Variants in JADE3 observed in about 807,000 individuals in gnomAD.
The protein encoded by JADE3 is protein Jade-3.
JADE3 carries 2 observed loss-of-function variants against 50.1 expected under a neutral mutation model. The ratio of observed to expected loss-of-function variants is 0.04; its 90% CI spans 0.02 to 0.13. The LOEUF (loss-of-function observed/expected upper bound fraction) is 0.13. Ranked by LOEUF, JADE3 falls within the 10% of genes least tolerant of loss-of-function variation. The pLI is 1.00. For missense variants in JADE3, 475 were observed against 634.4 expected (o/e 0.75, Z 2.70); for synonymous variants, 218 against 232.9 (o/e 0.94, Z 0.58).
At chrX:46,967,436 T>TA (rs1238699868) in intron 1 of JADE3, among the ~76,000 whole-genome samples, 2 of 111,919 alleles carry the variant, frequency 1.8e-5, no homozygotes, top group African/African-American at 6.5e-5. Flanking sequence ...AGGGCTAAGA[T>TA]AATAGGAGAA....
chrX:46,926,347 C>T (rs895800217), intron 1 of JADE3, among the ~76,000 whole-genome samples: 1 of 110,294 alleles, frequency 9.1e-6, no homozygotes. Context: ...TGGGCTCAAG[C>T]AATCCTCCTA....
chrX:47,032,214 G>C (rs1764303241), intron 6 of JADE3, among the ~76,000 whole-genome samples: 1 of 111,667 alleles, frequency 9.0e-6, no homozygotes, highest in African/African-American at 3.3e-5. Flanking sequence ...GAAGTACAAG[G>C]AACAACAGGC....
intron 1 of JADE3, among the ~76,000 whole-genome samples, chrX:46,916,879 T>TGA (rs1926097694): frequency 9.0e-6 from 1 of 111,486 alleles, no homozygotes; most frequent in South Asian, 3.8e-4. Flanking sequence ...GTTAAGGATC[T>TGA]GAGAAGTAGA....
intron 1 of JADE3, among the ~76,000 whole-genome samples, chrX:46,917,872 TCTCTCTCTCTCTCATC>T (rs1353883739): frequency 9.7e-6 from 1 of 102,685 alleles, no homozygotes. Context: ...TCTCTCTCTC[TCTCTCTCTCTCTCATC>T]CTCTCTCTCT....
chrX:46,976,156 T>C (rs1293345908), intron 1 of JADE3, among the ~76,000 whole-genome samples: 1 of 111,654 alleles, frequency 9.0e-6, no homozygotes, highest in Non-Finnish European at 1.9e-5. Flanking sequence ...TAGGGGCCCC[T>C]TGCACTGACC....
At position 47,044,448 on chromosome X, in the gene JADE3, G is replaced by A. The variant is rs146112815; in HGVS notation, c.972+5383G>A. Among the ~76,000 whole-genome samples, 8 of 111,420 alleles carry A rather than the reference G, an allele frequency of 7.2e-5. No homozygotes were observed. In the South Asian group the frequency reaches 2.3e-3, roughly 31 times the overall value. On this transcript the variant is annotated intron_variant, in intron 8 of 10. Coordinates refer to ENST00000614628, the MANE Select transcript of JADE3 (RefSeq NM_014735.5). ...TATCCAGTGAAAATATCATTCAAAC[G>A]TGAAGGAGAAATAAGGACTTTCCCA...
chrX:47,017,076 G>C (rs1175484201), intron 4 of JADE3, among the ~76,000 whole-genome samples: 3 of 111,689 alleles, frequency 2.7e-5, no homozygotes, highest in Non-Finnish European at 3.8e-5. Flanking sequence ...AATAAGAATA[G>C]ATAGAGCACA....
intron 4 of JADE3, among the ~76,000 whole-genome samples, chrX:47,000,435 C>G (rs781796603): frequency 2.4e-4 from 27 of 111,548 alleles, no homozygotes; most frequent in Non-Finnish European, 4.5e-4. Flanking sequence ...TGATTTTAAT[C>G]TTTTAGGTTG....
chrX:46,929,972 G>C (rs1926455898), intron 1 of JADE3, among the ~76,000 whole-genome samples: 2 of 112,167 alleles, frequency 1.8e-5, no homozygotes, highest in Non-Finnish European at 3.8e-5. Context: ...AGATGGGATA[G>C]TGTGGTAGAG....
chrX:47,055,286 C>A (rs975887426), intron 9 of JADE3, among the ~76,000 whole-genome samples: 1 of 111,292 alleles, frequency 9.0e-6, no homozygotes, highest in Non-Finnish European at 1.9e-5. Context: ...TAAGTTAAGC[C>A]CTGTGTTTAT....
intron 8 of JADE3, among the ~76,000 whole-genome samples, chrX:47,042,937 G>A (rs1602420509): frequency 8.9e-6 from 1 of 111,943 alleles, no homozygotes; most frequent in East Asian, 2.8e-4. Context: ...ACTGGGTGCA[G>A]TCCCAGTGGT....
Position 47,032,500 on chromosome X carries a change from G to A in JADE3, c.688-1121G>A, listed in dbSNP as rs188679903. 2.5e-3 allele frequency among the ~76,000 whole-genome samples: 277 copies of A among 110,434 alleles called. 1 individual carries two copies. The highest frequency in any genetic ancestry group is 4.6e-3 in the Non-Finnish European group (243 of 52,917). On this transcript the variant is annotated intron_variant, in intron 6 of 10. Coordinates refer to ENST00000614628, the MANE Select transcript of JADE3 (RefSeq NM_014735.5). ...GAATTCTTTTAGTGAGGAGAATCTG[G>A]CAGTCAAGTAGAAGAAGGGTTGAAG...
chrX:46,995,201 T>G (rs1323681430), intron 3 of JADE3, among the ~76,000 whole-genome samples: 1 of 110,007 alleles, frequency 9.1e-6, no homozygotes, highest in Non-Finnish European at 1.9e-5. Context: ...AGCTAATTTT[T>G]TGTATTTTTA....
In JADE3 at chrX:46,960,781, C is replaced by T. The variant is rs1461235895; in HGVS notation, c.-11-24103C>T. On this transcript the variant is annotated intron_variant, in intron 1 of 10. Coordinates refer to ENST00000614628, the MANE Select transcript of JADE3 (RefSeq NM_014735.5). ...AACCTAGGGGTGATCTTGGGAACCC[C>T]TTACACAGCACCCTTGCAAAAACCA... Among the ~76,000 whole-genome samples the T allele has an allele frequency of 1.8e-5, 2 of 111,761 alleles. 1 individual carries two copies. The highest frequency in any genetic ancestry group is 1.9e-4 in the Admixed American group (2 of 10,529).
At chrX:47,028,162 G>T in intron 6 of JADE3, 59 bp downstream of exon 6, 1 of 826,597 alleles carries the variant, frequency 1.2e-6, no homozygotes, top group Non-Finnish European at 1.8e-6. Flanking sequence ...GCTCAGTGAT[G>T]ATCTCCAGCA....
At position 46,924,412 on chromosome X, in the gene JADE3, G is replaced by A. The variant is rs782198107; in HGVS notation, c.-12+11693G>A. 3.6e-5 allele frequency among the ~76,000 whole-genome samples: 4 copies of A among 112,283 alleles called. No individual in the cohort carries two copies. In the South Asian group the frequency reaches 1.5e-3, roughly 42 times the overall value. ...GAGTATTTCCATATATTGGGATTGT[G>A]GGACAGTGGTTTGTCCTAGGACCTC... is the stretch of plus-strand genomic sequence containing the variant. On this transcript the variant is annotated intron_variant, in intron 1 of 10. Coordinates refer to ENST00000614628, the MANE Select transcript of JADE3 (RefSeq NM_014735.5).
intron 1 of JADE3, among the ~76,000 whole-genome samples, chrX:46,928,743 C>T (rs1256438977): frequency 2.7e-5 from 3 of 110,888 alleles, no homozygotes; most frequent in African/African-American, 9.8e-5. Flanking sequence ...ACCACCATGC[C>T]TAGCTAATTA....
chrX:46,922,461 T>C (rs1017180192), intron 1 of JADE3, among the ~76,000 whole-genome samples: 26 of 111,313 alleles, frequency 2.3e-4, no homozygotes, highest in Non-Finnish European at 4.3e-4. Context: ...TCTTTTTTTT[T>C]TCTCTTTCTG....
intron 4 of JADE3, among the ~76,000 whole-genome samples, chrX:47,018,500 A>AT (rs1378394842): frequency 2.7e-5 from 3 of 109,407 alleles, no homozygotes; most frequent in Non-Finnish European, 5.7e-5. Flanking sequence ...CGCCCAGCTA[A>AT]TTTTTTGTAT....
Sources: allele counts gnomAD v4.1 joint callset (sites outside exome capture counted in the v4.1 genomes callset), GRCh38; gene constraint gnomAD v4.1.1; transcripts MANE v1.5; gene names NCBI Gene and HGNC (gene_info 2026-07-23, HGNC 2026-07-21).